The following IGFL2 variants were observed in gnomAD, a reference collection of about 807,000 sequenced individuals.
The protein encoded by IGFL2 is IGF like family member 2.
In IGFL2, 7 loss-of-function variants were observed where a neutral mutation model predicts 13.9. The ratio of observed to expected loss-of-function variants is 0.51; its 90% CI spans 0.29 to 0.95. The LOEUF is 0.95. IGFL2 is among the 40% of genes least tolerant of loss of function. The pLI is 0.08. For missense variants in IGFL2, 138 were observed against 147.8 expected, an observed-to-expected ratio of 0.93 and a Z score of 0.34; for synonymous variants, 55 against 55.8, an observed-to-expected ratio of 0.99 and a Z score of 0.07.
chr19:46,182,859 C>T, the IGFL2 span, among the ~76,000 whole-genome samples: 3 of 152,108 alleles, frequency 2.0e-5, no homozygotes, highest in East Asian at 3.9e-4. Context: ...CCCCATCTCT[C>T]CTGCCTCTCT....
the IGFL2 span, among the ~76,000 whole-genome samples, chr19:46,129,777 T>G: frequency 6.6e-6 from 1 of 152,098 alleles, no homozygotes; most frequent in East Asian, 1.9e-4. Context: ...GTTTCGTGTC[T>G]GATTATGTGG....
the IGFL2 span, chr19:46,206,877 C>G: frequency 1.3e-5 from 2 of 152,072 alleles, no homozygotes; most frequent in Non-Finnish European, 2.9e-5. Flanking sequence ...TCTCATCCAC[C>G]CATGACAGCG....
At chr19:46,083,968 C>T in the IGFL2 span, among the ~76,000 whole-genome samples, 1 of 152,182 alleles carries the variant, frequency 6.6e-6, no homozygotes, top group Non-Finnish European at 1.5e-5. Flanking sequence ...TTTGCTTTTT[C>T]CTACAGATTT....
At chr19:46,194,226 C>T in the IGFL2 span, among the ~76,000 whole-genome samples, 1 of 152,058 alleles carries the variant, frequency 6.6e-6, no homozygotes, top group Non-Finnish European at 1.5e-5. Flanking sequence ...CCAGAATGCC[C>T]AGATGGAGTC....
chr19:46,148,560 G>T (rs1406054300), intron 1 of IGFL2, among the ~76,000 whole-genome samples: 2 of 152,100 alleles, frequency 1.3e-5, no homozygotes, highest in Non-Finnish European at 2.9e-5. Flanking sequence ...CCCAAAATCT[G>T]CTCTGAGCTG....
chr19:46,107,210 A>G, the IGFL2 span, among the ~76,000 whole-genome samples: 5 of 152,130 alleles, frequency 3.3e-5, no homozygotes, highest in Admixed American at 2.0e-4. Flanking sequence ...GGTAGCCTCC[A>G]TATTGATCAA....
upstream of IGFL2, among the ~76,000 whole-genome samples, chr19:46,140,278 G>A (rs531716995): frequency 1.3e-5 from 2 of 150,738 alleles, no homozygotes; most frequent in African/African-American, 4.9e-5. Flanking sequence ...TCTCAAAATG[G>A]TAGAACTTAC....
chr19:46,140,245 CTA>C (rs10574851), upstream of IGFL2, among the ~76,000 whole-genome samples: 18,335 of 148,324 alleles, frequency 0.12, 1,537 homozygotes, highest in African/African-American at 0.24. Context: ...CACGCCCAGC[CTA>C]TATATATATA....
chr19:46,112,713 G>A, the IGFL2 span, among the ~76,000 whole-genome samples: 2 of 152,240 alleles, frequency 1.3e-5, no homozygotes, highest in African/African-American at 4.8e-5. Context: ...AGGAGTGGGA[G>A]TAGACAGCTT....
At chr19:46,112,504 A>G in the IGFL2 span, among the ~76,000 whole-genome samples, 1 of 152,216 alleles carries the variant, frequency 6.6e-6, no homozygotes, top group African/African-American at 2.4e-5. Context: ...TGGATGTGAT[A>G]CCAGAACTGT....
chr19:46,114,814 T>G, the IGFL2 span, among the ~76,000 whole-genome samples: 1 of 152,206 alleles, frequency 6.6e-6, no homozygotes, highest in African/African-American at 2.4e-5. Context: ...TTACCCAGTC[T>G]CAGGCAGCTC....
the IGFL2 span, among the ~76,000 whole-genome samples, chr19:46,112,675 A>T: frequency 6.6e-6 from 1 of 152,194 alleles, no homozygotes; most frequent in Non-Finnish European, 1.5e-5. Flanking sequence ...TAGAGAATAG[A>T]TTTTCTAATA....
chr19:46,143,996 C>T (rs756203130), upstream of IGFL2, among the ~76,000 whole-genome samples: 1 of 152,242 alleles, frequency 6.6e-6, no homozygotes, highest in Non-Finnish European at 1.5e-5. Context: ...TCACCTCTGT[C>T]AGGCCTCTGC....
At chr19:46,210,839 C>G in the IGFL2 span, among the ~76,000 whole-genome samples, 2 of 152,330 alleles carry the variant, frequency 1.3e-5, no homozygotes, top group African/African-American at 4.8e-5. Context: ...CAAGTTGACA[C>G]TCAGTACTAA....
chr19:46,146,289 A>G (rs532953956), upstream of IGFL2, among the ~76,000 whole-genome samples: 5 of 152,094 alleles, frequency 3.3e-5, no homozygotes, highest in Non-Finnish European at 4.4e-5. Flanking sequence ...TCTGGAACCT[A>G]TTCTGTTCCT....
At chr19:46,155,431 C>G (rs1341241734) in intron 1 of IGFL2, among the ~76,000 whole-genome samples, 1 of 152,176 alleles carries the variant, frequency 6.6e-6, no homozygotes, top group Non-Finnish European at 1.5e-5. Context: ...TGCCCTCAGA[C>G]TCTCGCTGCT....
the IGFL2 span, among the ~76,000 whole-genome samples, chr19:46,120,919 A>C: frequency 2.0e-5 from 3 of 151,018 alleles, no homozygotes; most frequent in Non-Finnish European, 4.4e-5. Context: ...GTACCCCATA[A>C]ATACAACTAT....
chr19:46,096,358 G>T, the IGFL2 span, among the ~76,000 whole-genome samples: 1 of 152,000 alleles, frequency 6.6e-6, no homozygotes, highest in Non-Finnish European at 1.5e-5. Flanking sequence ...TGTGATTTTT[G>T]CACAATGATT....
the IGFL2 span, among the ~76,000 whole-genome samples, chr19:46,169,049 C>T: frequency 6.6e-6 from 1 of 151,756 alleles, no homozygotes; most frequent in South Asian, 2.1e-4. Context: ...ACAAATTTTT[C>T]TTTTTTAATT....
Sources: gnomAD v4.1 joint callset for allele counts (sites outside exome capture counted in the v4.1 genomes callset) on GRCh38, gnomAD v4.1.1 for gene constraint, MANE v1.5 for transcripts, NCBI Gene and HGNC (gene_info 2026-07-23, HGNC 2026-07-21) for gene names.